FBXO39: variants seen among roughly 807,000 people sequenced by gnomAD.
The protein encoded by FBXO39 is F-box protein 39.
A neutral mutation model predicts 36.6 loss-of-function variants in FBXO39; 22 were observed. The observed-to-expected ratio is 0.60, with a 90% CI of 0.43 to 0.86. FBXO39 has a LOEUF of 0.86. Ranked by LOEUF, FBXO39 falls within the 40% of genes least tolerant of loss-of-function variation. The pLI is 0.00. For missense variants in FBXO39, 536 were observed against 543.9 expected (o/e 0.99, Z 0.14); for synonymous variants, 206 against 205.8 (o/e 1.00, Z -0.01).
Position 6,784,929 on chromosome 17 carries a change from ATG to A in FBXO39, c.1024-1827_1024-1826del, listed in dbSNP as rs3071470. ...AAGAATCTTAAATTTATATATATAT[ATG>A]TGTGTGTGTGTGTGTGTGTGTGTAT... On this transcript the variant is annotated intron_variant, in intron 2 of 3. Transcript: ENST00000321535. 3.4e-3 allele frequency among the ~76,000 whole-genome samples: 464 copies of A among 136,246 alleles called. 2 individuals carry two copies. The highest frequency in any genetic ancestry group is 6.4e-3 in the East Asian group (32 of 4,968). The allele number at this position is 136,246 out of a possible 152,430, so 89.4% of individuals were successfully genotyped here.
chr17:6,786,079 A>G (rs1358084187), intron 2 of FBXO39, among the ~76,000 whole-genome samples: 2 of 152,242 alleles, frequency 1.3e-5, no homozygotes, highest in African/African-American at 2.4e-5. Context: ...ACTGTTCACA[A>G]TAGCCAATAT....
Position 6,780,117 on chromosome 17 carries a change from G to A in FBXO39, c.249G>A (p.Lys83=). 3 of 1,614,224 alleles carry A rather than the reference G, an allele frequency of 1.9e-6. No homozygotes were observed. Among genetic ancestry groups the A allele is most frequent in the East Asian group, 2.2e-5 (1 of 44,888 alleles). The change falls in exon 2 of 4, where the codon AAG becomes AAA. Residue 83 remains lysine, a synonymous_variant. Coordinates refer to ENST00000321535, the MANE Select transcript of FBXO39 (RefSeq NM_153230.3). ...SEVESAVWYV[K]KFGRYLEHLE... is the part of the protein sequence containing the mutation. ...TTGAGTCAGCTGTTTGGTATGTTAA[G>A]AAGTTTGGTCGTTATCTGGAGCACC...
intron 1 of FBXO39, among the ~76,000 whole-genome samples, chr17:6,777,669 A>G (rs900545568): frequency 6.6e-6 from 1 of 152,160 alleles, no homozygotes; most frequent in Non-Finnish European, 1.5e-5. Context: ...CTATTTCTTC[A>G]TTTGTTAAAT....
chr17:6,786,735 C>T (rs377054931), intron 2 of FBXO39, 45 bp from the exon 3 acceptor site: 3 of 1,525,332 alleles, frequency 2.0e-6, no homozygotes, highest in Non-Finnish European at 2.7e-6. Context: ...CAGCCAGGCT[C>T]AGCATCTCTG....
intron 2 of FBXO39, among the ~76,000 whole-genome samples, chr17:6,784,866 A>G (rs1006295875): frequency 2.0e-5 from 3 of 151,830 alleles, no homozygotes; most frequent in African/African-American, 4.8e-5. Context: ...GTGCAATCCT[A>G]TCCAAATACC....
intron 1 of FBXO39, among the ~76,000 whole-genome samples, chr17:6,776,857 T>A (rs940164307): frequency 6.6e-6 from 1 of 151,598 alleles, no homozygotes; most frequent in Non-Finnish European, 1.5e-5. Flanking sequence ...TTGCCTAAGG[T>A]CATCCGACTG....
intron 1 of FBXO39, among the ~76,000 whole-genome samples, chr17:6,779,001 A>T (rs909620587): frequency 8.5e-5 from 13 of 152,142 alleles, no homozygotes; most frequent in African/African-American, 3.1e-4. Flanking sequence ...TGGCTTCCAG[A>T]CATTTGACCA....
At chr17:6,787,254 G>GCA in intron 3 of FBXO39, 46 bp from the exon 4 acceptor site, 1 of 1,562,110 alleles carries the variant, frequency 6.4e-7, no homozygotes, top group African/African-American at 1.6e-5. Flanking sequence ...GTGTGTGTGT[G>GCA]CGTGTGTGCG....
chr17:6,786,415 G>A (rs986380903), intron 2 of FBXO39, among the ~76,000 whole-genome samples: 16 of 152,202 alleles, frequency 1.1e-4, no homozygotes, highest in African/African-American at 3.9e-4. Flanking sequence ...TAGAAAGAAT[G>A]AACAAGATCT....
chr17:6,786,477 C>T (rs560783378), intron 2 of FBXO39, among the ~76,000 whole-genome samples: 1 of 152,138 alleles, frequency 6.6e-6, no homozygotes, highest in South Asian at 2.1e-4. Context: ...TTTAATTGTA[C>T]ATTTTTTAAA....
intron 2 of FBXO39, among the ~76,000 whole-genome samples, chr17:6,784,191 A>C (rs972211794): frequency 6.6e-6 from 1 of 152,166 alleles, no homozygotes; most frequent in African/African-American, 2.4e-5. Flanking sequence ...AATGCTGTAA[A>C]AGCATTTGAT....
At chr17:6,783,484 TAAAC>T (rs1431930168) in intron 2 of FBXO39, among the ~76,000 whole-genome samples, 1 of 149,658 alleles carries the variant, frequency 6.7e-6, no homozygotes, top group Non-Finnish European at 1.5e-5. Flanking sequence ...TTTTGAAAAA[TAAAC>T]AAAATTAACA....
In FBXO39 at chr17:6,787,076, C is replaced by A; in HGVS notation, c.1200+120C>A. 4 of 1,356,044 alleles carry A rather than the reference C, an allele frequency of 2.9e-6. No individual in the cohort carries two copies. In the South Asian group the frequency reaches 5.8e-5, roughly 20 times the overall value. The allele number at this position is 1,356,044 out of a possible 1,614,324, so 84.0% of individuals were successfully genotyped here. On this transcript the variant is annotated intron_variant, in intron 3 of 3. Transcript: ENST00000321535. ...GGACAATCATCTGTTCATTGAAAAT[C>A]AGCAGTTTCAAAGAAGGGAATCTGG...
intron 2 of FBXO39, 63 bp from the exon 3 acceptor site, chr17:6,786,717 G>C (rs1976576632): frequency 2.1e-6 from 3 of 1,432,352 alleles, no homozygotes; most frequent in Non-Finnish European, 2.8e-6. Context: ...AAATGTTACA[G>C]AACAACTCAG....
chr17:6,785,611 TAATA>T (rs537749564), intron 2 of FBXO39, among the ~76,000 whole-genome samples: 2 of 151,810 alleles, frequency 1.3e-5, no homozygotes, highest in Non-Finnish European at 2.9e-5. Context: ...CACAAGGGAT[TAATA>T]AATAAACAGA....
Position 6,779,894 on chromosome 17 carries a change from A to T in FBXO39, c.26A>T (p.Gln9Leu). The T allele has an allele frequency of 6.2e-7, 1 of 1,614,194 alleles. No homozygotes were observed. The highest frequency in any genetic ancestry group is 8.5e-7 in the Non-Finnish European group (1 of 1,180,032). The change falls in exon 2 of 4, where the codon CAG becomes CTG. Residue 9 changes from glutamine to leucine, a missense_variant. Coordinates refer to ENST00000321535, the MANE Select transcript of FBXO39 (RefSeq NM_153230.3). ...ATGGACGAAGAAAGTGAACTGATCC[A>T]GCCCCAAGACCAGAGCTGCTGGGCC... MDEESELIQPQDQSCWAFL... is the reference protein window; with the variant it reads MDEESELILPQDQSCWAFL...
intron 2 of FBXO39, among the ~76,000 whole-genome samples, chr17:6,781,603 C>T (rs1976509700): frequency 6.6e-6 from 1 of 152,272 alleles, no homozygotes; most frequent in South Asian, 2.1e-4. Context: ...CATCATGACC[C>T]TTGTGTGCTG....
intron 2 of FBXO39, among the ~76,000 whole-genome samples, chr17:6,785,993 C>T (rs1258418088): frequency 6.6e-6 from 1 of 152,190 alleles, no homozygotes; most frequent in Non-Finnish European, 1.5e-5. Context: ...CCAGCAATCC[C>T]ACTGCTAGGT....
chr17:6,778,184 C>T (rs568383607), intron 1 of FBXO39, among the ~76,000 whole-genome samples: 31 of 152,188 alleles, frequency 2.0e-4, no homozygotes, highest in Admixed American at 5.9e-4. Flanking sequence ...GGAATAAGTC[C>T]GACAAACAGT....
Sources: gnomAD v4.1 joint callset for allele counts (sites outside exome capture counted in the v4.1 genomes callset) on GRCh38, gnomAD v4.1.1 for gene constraint, MANE v1.5 for transcripts, NCBI Gene and HGNC (gene_info 2026-07-23, HGNC 2026-07-21) for gene names.